The following ST18 variants were observed in gnomAD, a reference collection of about 807,000 sequenced individuals.
ST18 encodes suppression of tumorigenicity 18 protein.
ST18 carries 50 observed loss-of-function variants against 110.0 expected under a neutral mutation model. The observed-to-expected ratio is 0.45, with a 90% CI of 0.36 to 0.58. The LOEUF (loss-of-function observed/expected upper bound fraction) is 0.58. ST18 is among the 20% of genes least tolerant of loss of function. The probability of loss-of-function intolerance (pLI) is 0.00; values close to 1 mark genes in which losing one functional copy is unlikely to be tolerated. For synonymous variants in ST18, 461 were observed against 452.4 expected, an observed-to-expected ratio of 1.02 and a Z score of -0.24; for missense variants, 1,306 against 1,280.1, an observed-to-expected ratio of 1.02 and a Z score of -0.31.
At chr8:52,359,482 C>G (rs1457112031) in intron 2 of ST18, among the ~76,000 whole-genome samples, 1 of 152,068 alleles carries the variant, frequency 6.6e-6, no homozygotes, top group Admixed American at 6.6e-5. Flanking sequence ...ACATAAGAAG[C>G]AAAGAAATAA....
chr8:52,230,363 G>C lies in ST18; in HGVS notation c.-464-286C>G, dbSNP rs544442058. On this transcript the variant is annotated intron_variant, in intron 2 of 25. Coordinates refer to ENST00000689386, the MANE Select transcript of ST18 (RefSeq NM_001352837.2). The stretch of plus-strand genomic sequence containing the variant: ...TAAGTATATTTGAGAACCTTTTCTA[G>C]GGACACACCTGAGAGTGAAAGTGAA... 6.7e-4 allele frequency among the ~76,000 whole-genome samples: 101 copies of C among 151,842 alleles called. No individual in the cohort carries two copies. The Middle Eastern group carries it at 0.014, about 20-fold the overall frequency.
intron 8 of ST18, among the ~76,000 whole-genome samples, chr8:52,183,216 C>T (rs2070590016): frequency 6.6e-6 from 1 of 152,124 alleles, no homozygotes; most frequent in Non-Finnish European, 1.5e-5. Context: ...AGATGCCTGC[C>T]ACAGGACCTT....
intron 2 of ST18, among the ~76,000 whole-genome samples, chr8:52,316,204 C>T (rs947674026): frequency 6.6e-6 from 1 of 152,170 alleles, no homozygotes; most frequent in African/African-American, 2.4e-5. Flanking sequence ...ATAATCATGG[C>T]CACTGAGAAT....
In ST18 at chr8:52,144,855, TAA is replaced by T. The variant is rs545504193; in HGVS notation, c.2053-1812_2053-1811del. The stretch of plus-strand genomic sequence containing the variant: ...TTCAAAGTTTTATGCTGTAAATGGC[TAA>T]AATGAAAAAATTCCAAATTTTAAGG... On this transcript the variant is annotated intron_variant, in intron 16 of 25. Transcript: ENST00000689386. 4.5e-3 allele frequency among the ~76,000 whole-genome samples: 679 copies of T among 152,264 alleles called. 8 individuals are homozygous for T. The highest frequency in any genetic ancestry group is 0.015 in the African/African-American group (628 of 41,574).
intron 2 of ST18, among the ~76,000 whole-genome samples, chr8:52,362,441 C>T (rs1158511097): frequency 2.6e-5 from 4 of 152,148 alleles, no homozygotes; most frequent in African/African-American, 9.7e-5. Context: ...CATCAACTGG[C>T]AACATTAGGC....
intron 2 of ST18, among the ~76,000 whole-genome samples, chr8:52,343,869 C>G (rs954277315): frequency 6.6e-6 from 1 of 152,122 alleles, no homozygotes; most frequent in South Asian, 2.1e-4. Context: ...ACATTTCCTG[C>G]TATTTTAAAG....
chr8:52,116,865 C>T (rs1473035600), intron 24 of ST18, among the ~76,000 whole-genome samples: 5 of 152,072 alleles, frequency 3.3e-5, no homozygotes, highest in Admixed American at 6.5e-5. Context: ...CACTCTGCTG[C>T]CCCCTGGGCC....
intron 2 of ST18, among the ~76,000 whole-genome samples, chr8:52,394,256 CT>C (rs1840330940): frequency 6.6e-6 from 1 of 152,148 alleles, no homozygotes; most frequent in East Asian, 1.9e-4. Context: ...TCATGTTTTT[CT>C]TTTGTGGGTG....
intron 2 of ST18, among the ~76,000 whole-genome samples, chr8:52,395,613 T>A (rs907620353): frequency 4.6e-5 from 7 of 152,102 alleles, no homozygotes; most frequent in Non-Finnish European, 5.9e-5. Flanking sequence ...TCGTGGTCCA[T>A]GAGAAAGAAC....
intron 2 of ST18, chr8:52,403,375 C>G (rs76036028): frequency 0.04 from 6,024 of 152,360 alleles, 173 homozygotes; most frequent in Middle Eastern, 0.087. Context: ...TTCTTTGGAG[C>G]AGTGCAGCTA....
At chr8:52,135,588 AAAAG>A (rs1563607004) in intron 19 of ST18, among the ~76,000 whole-genome samples, 2 of 150,426 alleles carry the variant, frequency 1.3e-5, no homozygotes, top group Admixed American at 6.6e-5. Context: ...AAAAAAAAAA[AAAAG>A]AAAGAAAGAA....
intron 10 of ST18, among the ~76,000 whole-genome samples, chr8:52,168,653 T>C (rs2063794218): frequency 6.6e-6 from 1 of 152,152 alleles, no homozygotes; most frequent in South Asian, 2.1e-4. Context: ...ATGATGGGGC[T>C]GCGGCCAGCA....
At chr8:52,237,422 TA>T (rs1270223755) in intron 2 of ST18, among the ~76,000 whole-genome samples, 1 of 152,214 alleles carries the variant, frequency 6.6e-6, no homozygotes, top group Non-Finnish European at 1.5e-5. Flanking sequence ...TCAATCTGCA[TA>T]ACAAATATAT....
Position 52,257,204 on chromosome 8 carries a change from T to C in ST18, c.-464-27127A>G, listed in dbSNP as rs556983630. Reference sequence around the variant, plus strand: ...ATACCATATCTTATTTATCCATTCATTGATTGATGGACACTTATACATAAG... The same window carrying C: ...ATACCATATCTTATTTATCCATTCACTGATTGATGGACACTTATACATAAG... On this transcript the variant is annotated intron_variant, in intron 2 of 25. Transcript: ENST00000689386. 5.3e-5 allele frequency among the ~76,000 whole-genome samples: 8 copies of C among 152,354 alleles called. No individual in the cohort carries two copies. In the South Asian group the frequency reaches 1.4e-3, roughly 28 times the overall value.
intron 2 of ST18, among the ~76,000 whole-genome samples, chr8:52,373,791 G>T (rs1228621126): frequency 1.3e-5 from 2 of 151,936 alleles, no homozygotes; most frequent in Non-Finnish European, 2.9e-5. Flanking sequence ...TATTTGTTTG[G>T]CAGAAGCATC....
At chr8:52,236,383 G>A (rs1037455428) in intron 2 of ST18, among the ~76,000 whole-genome samples, 2 of 152,148 alleles carry the variant, frequency 1.3e-5, no homozygotes, top group East Asian at 1.9e-4. Context: ...GCCAAAGCGG[G>A]TGGATCACTT....
chr8:52,153,654 A>C (rs1233391963), intron 15 of ST18, among the ~76,000 whole-genome samples: 1 of 152,246 alleles, frequency 6.6e-6, no homozygotes, highest in Non-Finnish European at 1.5e-5. Flanking sequence ...AATTTAAAAC[A>C]GCTTCCCCAA....
intron 2 of ST18, among the ~76,000 whole-genome samples, chr8:52,230,485 G>A (rs1041511126): frequency 6.6e-6 from 1 of 151,524 alleles, no homozygotes; most frequent in African/African-American, 2.4e-5. Flanking sequence ...CAGCCCGCAC[G>A]GCAGCTGTAC....
chr8:52,232,672 C>T (rs539497415), intron 2 of ST18, among the ~76,000 whole-genome samples: 1 of 151,928 alleles, frequency 6.6e-6, no homozygotes, highest in Admixed American at 6.6e-5. Context: ...TGCATTGCTG[C>T]TTATGTAAAT....
Sources: allele counts gnomAD v4.1 joint callset (sites outside exome capture counted in the v4.1 genomes callset), GRCh38; gene constraint gnomAD v4.1.1; transcripts MANE v1.5; gene names NCBI Gene and HGNC (gene_info 2026-07-23, HGNC 2026-07-21).